Variants in CCT6A observed in about 807,000 individuals in gnomAD.
CCT6A encodes the protein chaperonin containing TCP1 subunit 6A.
Under a neutral mutation model 58.6 loss-of-function variants are expected in CCT6A, and 6 were observed. The observed-to-expected ratio is 0.10, with a 90% confidence interval of 0.06 to 0.20. The LOEUF (loss-of-function observed/expected upper bound fraction) is 0.20. Among genes scored for constraint, CCT6A ranks in the 10% least tolerant of loss-of-function variants. CCT6A has a pLI of 1.00. For synonymous variants in CCT6A, 245 were observed against 227.8 expected, an observed-to-expected ratio of 1.08 and a Z score of -0.68; for missense variants, 516 against 648.8, an observed-to-expected ratio of 0.80 and a Z score of 2.22.
rs538054875 is a variant in CCT6A, at chr7:56,055,511, C to T, written c.337-113C>T. 2.1e-5 allele frequency: 18 copies of T among 857,204 alleles called. No individual in the cohort carries two copies. The South Asian group carries it at 2.5e-4, about 12-fold the overall frequency. The allele number at this position is 857,204 out of a possible 1,614,324, so 53.1% of individuals were successfully genotyped here. A position where few individuals can be genotyped will look rare whatever the true frequency, so the allele number is the denominator to read the frequency against. On this transcript the variant is annotated intron_variant, in intron 3 of 13. Transcript: ENST00000275603. ...AGAAAGCCAGCACATTATATTACCT[C>T]GTGTTCAAAGGTATGATGATCCAGA...
In CCT6A at chr7:56,063,196, A is replaced by G. The variant is rs941848887; in HGVS notation, c.*111A>G. 1 of 793,336 alleles carries G rather than the reference A, an allele frequency of 1.3e-6. No individual in the cohort carries two copies. The highest frequency in any genetic ancestry group is 1.7e-5 in the African/African-American group (1 of 58,186). 49.1% of individuals were successfully genotyped at this position (793,336 alleles called of 1,614,324 possible). On this transcript the variant is annotated 3_prime_UTR_variant, in exon 14 of 14. Coordinates refer to ENST00000275603, the MANE Select transcript of CCT6A (RefSeq NM_001762.4). ...ATAATTTTGAAAGAAATTTTCCCAT[A>G]TGAAAAAAGGAGAGAACACTGGCAT...
At chr7:56,052,021 C>T in intron 1 of CCT6A, 36 bp downstream of exon 1, 1 of 1,398,846 alleles carries the variant, frequency 7.1e-7, no homozygotes, top group Non-Finnish European at 9.3e-7. Flanking sequence ...CGGGCGGGCA[C>T]CGCGCGCCGC....
At chr7:56,055,369 A>C (rs1232622438) in intron 3 of CCT6A, 2 of 557,612 alleles carry the variant, frequency 3.6e-6, no homozygotes, top group African/African-American at 3.7e-5. Context: ...AGTGGTTTGC[A>C]CAGTGAACAC....
intron 5 of CCT6A, among the ~76,000 whole-genome samples, chr7:56,057,034 A>G (rs2117340361): frequency 6.6e-6 from 1 of 152,202 alleles, no homozygotes; most frequent in Non-Finnish European, 1.5e-5. Context: ...TGACCTCGTG[A>G]TCCGCCCACC....
chr7:56,061,694 T>TTTTTTTTTTTTTTTTTTC (rs1794443339), intron 11 of CCT6A, 53 bp from the exon 12 acceptor site: 1 of 409,018 alleles, frequency 2.4e-6, no homozygotes, highest in Non-Finnish European at 4.4e-6. Context: ...TTTTTTTTTT[T>TTTTTTTTTTTTTTTTTTC]ACTATCAGTT....
chr7:56,051,782 C>A lies in CCT6A; in HGVS notation c.-67C>A, dbSNP rs535381274. 5 of 1,528,412 alleles carry A rather than the reference C, an allele frequency of 3.3e-6. No individual in the cohort carries two copies. The highest frequency in any genetic ancestry group is 4.4e-6 in the Non-Finnish European group (5 of 1,136,066). The allele number at this position is 1,528,412 out of a possible 1,614,324, so 94.7% of individuals were successfully genotyped here. A position where few individuals can be genotyped will look rare whatever the true frequency, so the allele number is the denominator to read the frequency against. On this transcript the variant is annotated 5_prime_UTR_variant, in exon 1 of 14. Transcript: ENST00000275603. ...ACTTTTCCAGAAGACCCGGATAGTTCCTCCCGGCCACGCCGCGCCGGCTCT... is the reference window on the plus strand; with the variant it reads ...ACTTTTCCAGAAGACCCGGATAGTTACTCCCGGCCACGCCGCGCCGGCTCT...
At chr7:56,052,309 A>G (rs975284337) in intron 1 of CCT6A, 113 bp from the exon 2 acceptor site, 3 of 913,132 alleles carry the variant, frequency 3.3e-6, no homozygotes, top group Non-Finnish European at 5.4e-6. Context: ...TGCTGGACAT[A>G]ACTAGCCCCA....
chr7:56,055,179 C>T (rs1794279703), intron 3 of CCT6A, among the ~76,000 whole-genome samples: 1 of 152,148 alleles, frequency 6.6e-6, no homozygotes, highest in African/African-American at 2.4e-5. Flanking sequence ...GAAGCTGAGG[C>T]AGGAGAATTG....
rs1312667612 is a variant in CCT6A, at chr7:56,063,316, T to C, written c.*231T>C. On this transcript the variant is annotated 3_prime_UTR_variant, in exon 14 of 14. Transcript: ENST00000275603. The stretch of plus-strand genomic sequence containing the variant: ...CAGGTCTTTTATCCAGTGAACAGGA[T>C]GTTTTGCTTTAGCAGCAGTGACATA... 1.3e-5 allele frequency: 7 copies of C among 530,272 alleles called. No homozygotes were observed. Among genetic ancestry groups the C allele is most frequent in the Non-Finnish European group, 2.3e-5 (7 of 299,086 alleles). The allele number at this position is 530,272 out of a possible 1,614,324, so 32.8% of individuals were successfully genotyped here.
Position 56,056,296 on chromosome 7 carries a change from C to T in CCT6A, c.511-15C>T, listed in dbSNP as rs553454222. On this transcript the variant is annotated splice_polypyrimidine_tract_variant and intron_variant, in intron 4 of 13. Transcript: ENST00000275603. The stretch of plus-strand genomic sequence containing the variant: ...AAATTGAATTTACTTAACGGTTATG[C>T]TCCTCCAATTGCAGGCTGTAGTGGA... The T allele has an allele frequency of 1.2e-5, 15 of 1,299,474 alleles. No individual in the cohort carries two copies. The highest frequency in any genetic ancestry group is 2.4e-5 in the South Asian group (2 of 84,854). 80.5% of individuals were successfully genotyped at this position (1,299,474 alleles called of 1,614,324 possible).
chr7:56,053,046 A>G (rs1584545336), intron 2 of CCT6A, among the ~76,000 whole-genome samples: 2 of 152,264 alleles, frequency 1.3e-5, no homozygotes, highest in South Asian at 4.1e-4. Flanking sequence ...CCCCCGCATC[A>G]GCCTCCCAAA....
intron 2 of CCT6A, among the ~76,000 whole-genome samples, chr7:56,053,353 A>G (rs755387072): frequency 4.6e-5 from 7 of 152,202 alleles, no homozygotes; most frequent in Non-Finnish European, 8.8e-5. Context: ...CAGATGAAAT[A>G]TCTTTAGTAA....
chr7:56,055,269 C>A, intron 3 of CCT6A: 1 of 276,024 alleles, frequency 3.6e-6, no homozygotes, highest in Non-Finnish European at 7.2e-6. Flanking sequence ...TGCGAAACTC[C>A]ATCTCAAAAA....
At chr7:56,059,722 A>G in intron 9 of CCT6A, 82 bp downstream of exon 9, 1 of 725,378 alleles carries the variant, frequency 1.4e-6, no homozygotes, top group Non-Finnish European at 2.5e-6. Flanking sequence ...GTGGGGTCTC[A>G]CTCCTGCCCG....
rs201586656 is a variant in CCT6A, at chr7:56,058,413, C to T, written c.777C>T (p.Leu259=). The change falls in exon 7 of 14, where the codon CTC becomes CTT. Residue 259 remains leucine (L), a synonymous_variant. Coordinates refer to ENST00000275603, the MANE Select transcript of CCT6A (RefSeq NM_001762.4). The stretch of plus-strand genomic sequence containing the variant: ...AGAGTGCAGAAGAGAGAGAAAAACT[C>T]GTGAAAGCTGAAAGAAAATTCATTG... ...FYKSAEEREK[L]VKAERKFIED... 8 of 1,601,784 alleles carry T rather than the reference C, an allele frequency of 5.0e-6. No individual in the cohort carries two copies. Among genetic ancestry groups the T allele is most frequent in the African/African-American group, 1.4e-5 (1 of 73,876 alleles).
In CCT6A at chr7:56,061,877, A is replaced by G. The variant is rs1301248839; in HGVS notation, c.1450+28A>G. 4.0e-6 allele frequency: 5 copies of G among 1,257,892 alleles called. No individual in the cohort carries two copies. The East Asian group carries it at 1.2e-4, about 31-fold the overall frequency. 77.9% of individuals were successfully genotyped at this position (1,257,892 alleles called of 1,614,324 possible). ...AAGAGAATGCAACTGTTGTAGAGGG[A>G]AAACTAGATGTAATACGTGTGAGTT... On this transcript the variant is annotated intron_variant, in intron 12 of 13. Coordinates refer to ENST00000275603, the MANE Select transcript of CCT6A (RefSeq NM_001762.4).
At chr7:56,062,962 G>A (rs1418503908) in intron 13 of CCT6A, 51 bp from the exon 14 acceptor site, 16 of 1,420,934 alleles carry the variant, frequency 1.1e-5, no homozygotes, top group Middle Eastern at 1.7e-4. Flanking sequence ...AAGTTGAGTC[G>A]AATTAGGGCT....
chr7:56,055,498 CATTAT>C, intron 3 of CCT6A, 121 bp from the exon 4 acceptor site: 1 of 803,860 alleles, frequency 1.2e-6, no homozygotes, highest in Non-Finnish European at 2.1e-6. Context: ...AAAGCCAGCA[CATTAT>C]ATTACCTCGT....
Position 56,057,986 on chromosome 7 carries a change from T to C in CCT6A, c.615-7T>C. The C allele has an allele frequency of 6.5e-7, 1 of 1,543,456 alleles. No homozygotes were observed. Among genetic ancestry groups the C allele is most frequent in the Non-Finnish European group, 9.0e-7 (1 of 1,116,380 alleles). On this transcript the variant is annotated splice_polypyrimidine_tract_variant and splice_region_variant and intron_variant, in intron 5 of 13. Transcript: ENST00000275603. ...CAATAACCATAATTTTGTGTGTGTTTAAACAGCTTAATCAGAGGGCTTGTT... is the reference window on the plus strand; with the variant it reads ...CAATAACCATAATTTTGTGTGTGTTCAAACAGCTTAATCAGAGGGCTTGTT...
Sources: allele counts gnomAD v4.1 joint callset (sites outside exome capture counted in the v4.1 genomes callset), GRCh38; gene constraint gnomAD v4.1.1; transcripts MANE v1.5; gene names NCBI Gene and HGNC (gene_info 2026-07-23, HGNC 2026-07-21).